The following RGL1 variants were observed in gnomAD, a reference collection of about 807,000 sequenced individuals.
The protein encoded by RGL1 is ral guanine nucleotide dissociation stimulator like 1.
RGL1 carries 24 observed loss-of-function variants against 95.2 expected under a neutral mutation model. That is an observed-to-expected ratio of 0.25 (90% CI 0.18 to 0.35). The LOEUF (loss-of-function observed/expected upper bound fraction) is 0.35, where lower values mean the gene tolerates loss of function less well. Ranked by LOEUF, RGL1 falls within the 10% of genes least tolerant of loss-of-function variation. RGL1 has a pLI of 1.00. For synonymous variants in RGL1, 329 were observed against 344.9 expected (o/e 0.95, Z 0.51); for missense variants, 715 against 936.3 (o/e 0.76, Z 3.08).
At chr1:183,781,425 A>C (rs987397726) in intron 2 of RGL1, among the ~76,000 whole-genome samples, 1 of 152,152 alleles carries the variant, frequency 6.6e-6, no homozygotes, top group Non-Finnish European at 1.5e-5. Flanking sequence ...AACCCATTAA[A>C]ATAGTTATGG....
intron 2 of RGL1, among the ~76,000 whole-genome samples, chr1:183,796,090 T>C (rs932639204): frequency 6.6e-6 from 1 of 152,076 alleles, no homozygotes; most frequent in African/African-American, 2.4e-5. Flanking sequence ...TCCTGAGCAC[T>C]GTGCTAAAGG....
chr1:183,672,272 G>A (rs1275465595), intron 1 of RGL1, among the ~76,000 whole-genome samples: 1 of 152,064 alleles, frequency 6.6e-6, no homozygotes, highest in African/African-American at 2.4e-5. Flanking sequence ...ATGTGTTTAG[G>A]TATGGATTTA....
At chr1:183,648,823 A>C in intron 1 of RGL1, 1 of 1,476,674 alleles carries the variant, frequency 6.8e-7, no homozygotes, top group Non-Finnish European at 9.1e-7. Flanking sequence ...TAAACAAGGA[A>C]GAGAAATTAC....
chr1:183,864,361 C>A (rs1327179283), intron 3 of RGL1, among the ~76,000 whole-genome samples: 2 of 152,120 alleles, frequency 1.3e-5, no homozygotes, highest in African/African-American at 4.8e-5. Flanking sequence ...TGAGAGATGG[C>A]AAGAGAAGAG....
intron 1 of RGL1, among the ~76,000 whole-genome samples, chr1:183,670,747 A>G (rs1652385452): frequency 6.6e-6 from 1 of 152,194 alleles, no homozygotes; most frequent in Non-Finnish European, 1.5e-5. Context: ...TTTTTACGTG[A>G]TGTTAGGATG....
At chr1:183,777,504 C>G (rs932107813) in intron 2 of RGL1, among the ~76,000 whole-genome samples, 1 of 152,124 alleles carries the variant, frequency 6.6e-6, no homozygotes, top group African/African-American at 2.4e-5. Flanking sequence ...AATGTCTCAT[C>G]GTGTTCAAAC....
At chr1:183,766,431 C>T (rs1321775040) in intron 2 of RGL1, among the ~76,000 whole-genome samples, 1 of 151,866 alleles carries the variant, frequency 6.6e-6, no homozygotes, top group Admixed American at 6.6e-5. Flanking sequence ...AAACTCCAGT[C>T]AATATAATTT....
chr1:183,865,492 A>G lies in RGL1; in HGVS notation c.348-504A>G, dbSNP rs545058972. On this transcript the variant is annotated intron_variant, in intron 3 of 17. Coordinates refer to ENST00000360851, the MANE Select transcript of RGL1 (RefSeq NM_001297671.3). Reference sequence around the variant, plus strand: ...CCAGAGCTATTTCCATAATCCCTCTACAACGGACTTATTTTCAAGGAGACC... The same window carrying G: ...CCAGAGCTATTTCCATAATCCCTCTGCAACGGACTTATTTTCAAGGAGACC... Among the ~76,000 whole-genome samples, 4 of 152,230 alleles carry G rather than the reference A, an allele frequency of 2.6e-5. No homozygotes were observed. The South Asian group carries it at 8.3e-4, about 32-fold the overall frequency.
chr1:183,742,156 A>C (rs1395535641), exon 2 of RGL1: 1 of 1,613,962 alleles, frequency 6.2e-7, no homozygotes, highest in African/African-American at 1.3e-5. Context: ...GCCTCTTTCA[A>C]GATGGAGGTG....
At chr1:183,770,778 G>A (rs1421070289) in intron 2 of RGL1, among the ~76,000 whole-genome samples, 2 of 152,064 alleles carry the variant, frequency 1.3e-5, no homozygotes, top group African/African-American at 2.4e-5. Context: ...CTTTCTGGGA[G>A]GTCTTATGGT....
chr1:183,652,982 C>T (rs957997412), intron 1 of RGL1: 1 of 152,240 alleles, frequency 6.6e-6, no homozygotes, highest in Non-Finnish European at 1.5e-5. Context: ...GCACAGTTTG[C>T]ACTGGAGTAA....
At chr1:183,668,145 T>C (rs1198225213) in intron 1 of RGL1, among the ~76,000 whole-genome samples, 1 of 152,200 alleles carries the variant, frequency 6.6e-6, no homozygotes, top group Non-Finnish European at 1.5e-5. Context: ...TCTCAAATGC[T>C]CTTCCTTTCT....
chr1:183,920,540 T>C (rs7555062), intron 16 of RGL1, among the ~76,000 whole-genome samples: 44,563 of 152,030 alleles, frequency 0.29, 6,745 homozygotes, highest in Non-Finnish European at 0.3. Flanking sequence ...TCATCTTGTC[T>C]TCATTGGGAC....
intron 1 of RGL1, chr1:183,648,454 A>G (rs1357424838): frequency 2.5e-6 from 4 of 1,614,258 alleles, no homozygotes; most frequent in Admixed American, 3.3e-5. Context: ...TCATTATTGT[A>G]TATGGCTGAG....
intron 2 of RGL1, among the ~76,000 whole-genome samples, chr1:183,798,377 C>G (rs550369694): frequency 6.6e-6 from 1 of 152,170 alleles, no homozygotes; most frequent in South Asian, 2.1e-4. Flanking sequence ...GACTGAGATG[C>G]AGAATGCTGT....
In RGL1 at chr1:183,718,028, C is replaced by T. The variant is rs541512051; in HGVS notation, c.-32-24098C>T. Among the ~76,000 whole-genome samples the T allele has an allele frequency of 5.9e-5, 9 of 152,136 alleles. No homozygotes were observed. The South Asian group carries it at 1.2e-3, about 21-fold the overall frequency. ...TTGGGAGGCTGAGACAGGTGGATCA[C>T]GAGGTCAGGAGATGGAGACCATCCT... On this transcript the variant is annotated intron_variant, in intron 1 of 18. Coordinates refer to the RGL1 transcript ENST00000304685.
chr1:183,789,722 G>A (rs1468032170), intron 2 of RGL1, among the ~76,000 whole-genome samples: 1 of 152,114 alleles, frequency 6.6e-6, no homozygotes, highest in African/African-American at 2.4e-5. Context: ...TTGGCTGCTT[G>A]TCACAGATCT....
intron 2 of RGL1, among the ~76,000 whole-genome samples, chr1:183,766,303 A>G (rs1658961896): frequency 6.6e-6 from 1 of 152,078 alleles, no homozygotes; most frequent in Non-Finnish European, 1.5e-5. Flanking sequence ...CCCAACAATG[A>G]TAAGGTTTGG....
chr1:183,643,262 T>TTTGTTTG (rs1553265192), intron 1 of RGL1, among the ~76,000 whole-genome samples: 4,436 of 136,464 alleles, frequency 0.033, 90 homozygotes, highest in South Asian at 0.043. Flanking sequence ...GGTCCTGTTT[T>TTTGTTTG]TTTATTTATT....
Sources: allele counts gnomAD v4.1 joint callset (sites outside exome capture counted in the v4.1 genomes callset), GRCh38; gene constraint gnomAD v4.1.1; transcripts MANE v1.5; gene names NCBI Gene and HGNC (gene_info 2026-07-23, HGNC 2026-07-21).